Variants in COL19A1 observed in about 807,000 individuals in gnomAD.
COL19A1 encodes collagen type XIX alpha 1 chain.
A neutral mutation model predicts 190.2 loss-of-function variants in COL19A1; 159 were observed. That is an observed-to-expected ratio of 0.84 (90% CI 0.73 to 0.95). The LOEUF is 0.95. COL19A1 is among the 40% of genes least tolerant of loss of function. The probability of loss-of-function intolerance (pLI) is 0.00; values close to 1 mark genes in which losing one functional copy is unlikely to be tolerated. For synonymous variants in COL19A1, 509 were observed against 458.9 expected (o/e 1.11, Z -1.39); for missense variants, 1,418 against 1,431.9 (o/e 0.99, Z 0.16).
At chr6:69,907,286 C>T (rs1770621923) in intron 4 of COL19A1, among the ~76,000 whole-genome samples, 1 of 151,826 alleles carries the variant, frequency 6.6e-6, no homozygotes, top group Non-Finnish European at 1.5e-5. Flanking sequence ...CGTGCCACCA[C>T]TCCTGGCTAA....
intron 4 of COL19A1, among the ~76,000 whole-genome samples, chr6:69,927,287 A>G (rs1582429094): frequency 6.6e-6 from 1 of 152,220 alleles, no homozygotes; most frequent in East Asian, 1.9e-4. Context: ...AAATACATAC[A>G]TACATAAAGC....
intron 11 of COL19A1, among the ~76,000 whole-genome samples, chr6:70,003,139 A>G (rs1777377124): frequency 6.6e-6 from 1 of 152,154 alleles, no homozygotes; most frequent in Non-Finnish European, 1.5e-5. Context: ...TTCATTATTT[A>G]CCCAGAAGTC....
intron 11 of COL19A1, among the ~76,000 whole-genome samples, chr6:70,005,912 A>G (rs1024226652): frequency 6.6e-6 from 1 of 152,172 alleles, no homozygotes; most frequent in African/African-American, 2.4e-5. Flanking sequence ...GATGAGTCAG[A>G]GTCAGGCCTG....
chr6:70,032,910 C>T (rs1301413508), intron 12 of COL19A1, among the ~76,000 whole-genome samples: 1 of 152,120 alleles, frequency 6.6e-6, no homozygotes, highest in Non-Finnish European at 1.5e-5. Context: ...CCAAGTTCTA[C>T]TCTGGAAACA....
chr6:69,910,060 G>A (rs1204426831), intron 4 of COL19A1, among the ~76,000 whole-genome samples: 2 of 151,948 alleles, frequency 1.3e-5, no homozygotes, highest in South Asian at 4.2e-4. Flanking sequence ...TAAATTGAAG[G>A]GATATTTGAA....
At chr6:69,949,022 T>C (rs2150032919) in intron 9 of COL19A1, among the ~76,000 whole-genome samples, 1 of 151,946 alleles carries the variant, frequency 6.6e-6, no homozygotes, top group African/African-American at 2.4e-5. Context: ...GCTGTTTTTA[T>C]GGTGTTCTAA....
At chr6:69,962,405 T>C (rs1283166052) in intron 10 of COL19A1, among the ~76,000 whole-genome samples, 1 of 152,182 alleles carries the variant, frequency 6.6e-6, no homozygotes, top group Non-Finnish European at 1.5e-5. Context: ...TGGTATGCCA[T>C]AGAAGTCAGC....
intron 34 of COL19A1, among the ~76,000 whole-genome samples, chr6:70,159,195 T>C (rs3806043): frequency 0.052 from 7,942 of 151,754 alleles, 378 homozygotes; most frequent in African/African-American, 0.13. Flanking sequence ...TGCATGTACA[T>C]ATAGAAAGAA....
At chr6:70,094,352 C>A (rs529710566) in intron 15 of COL19A1, among the ~76,000 whole-genome samples, 115 of 152,336 alleles carry the variant, frequency 7.5e-4, no homozygotes, top group African/African-American at 2.7e-3. Flanking sequence ...TCTTTCCTAA[C>A]ATTTCCTTAA....
chr6:69,879,898 C>T (rs1768403824), intron 2 of COL19A1: 2 of 529,096 alleles, frequency 3.8e-6, no homozygotes, highest in Admixed American at 3.5e-5. Flanking sequence ...TCAATATTTA[C>T]AAGTATACAT....
At chr6:70,150,847 C>A (rs3806041) in intron 30 of COL19A1, among the ~76,000 whole-genome samples, 79,034 of 151,928 alleles carry the variant, frequency 0.52, 21,960 homozygotes, top group African/African-American at 0.73. Context: ...GGGTTTACAC[C>A]GTGTCTCTCT....
At chr6:70,146,738 A>C (rs1298509239) in intron 26 of COL19A1, 35 bp downstream of exon 26, 2 of 1,596,420 alleles carry the variant, frequency 1.3e-6, no homozygotes, top group African/African-American at 2.7e-5. Flanking sequence ...TTAAGGAATG[A>C]ATAATTAACA....
At chr6:69,998,783 T>C (rs1450387057) in intron 11 of COL19A1, among the ~76,000 whole-genome samples, 1 of 152,138 alleles carries the variant, frequency 6.6e-6, no homozygotes, top group Non-Finnish European at 1.5e-5. Context: ...ATTGAAAGAA[T>C]TGTACAGTGA....
intron 2 of COL19A1, among the ~76,000 whole-genome samples, chr6:69,896,318 A>G (rs1769739917): frequency 6.6e-6 from 1 of 151,422 alleles, no homozygotes; most frequent in Non-Finnish European, 1.5e-5. Context: ...CGGGTGGATC[A>G]TGAGGTCAGG....
chr6:69,901,861 T>A (rs569538693), intron 4 of COL19A1, among the ~76,000 whole-genome samples: 6 of 152,256 alleles, frequency 3.9e-5, no homozygotes, highest in Non-Finnish European at 7.3e-5. Flanking sequence ...TTAAAATTCA[T>A]TGGATTACAT....
intron 2 of COL19A1, 104 bp downstream of exon 2, chr6:69,879,762 A>G (rs751630292): frequency 1.5e-5 from 14 of 935,660 alleles, no homozygotes; most frequent in Non-Finnish European, 2.1e-5. Context: ...TTAATGTACT[A>G]TAACAGAATA....
At chr6:70,075,438 G>A (rs1006139537) in intron 15 of COL19A1, among the ~76,000 whole-genome samples, 1 of 152,212 alleles carries the variant, frequency 6.6e-6, no homozygotes, top group Non-Finnish European at 1.5e-5. Context: ...AAGGGGGAAA[G>A]GCTAATATAT....
At chr6:70,166,182 C>T (rs756034294) in intron 37 of COL19A1, among the ~76,000 whole-genome samples, 197 bp downstream of exon 37, 4 of 152,214 alleles carry the variant, frequency 2.6e-5, no homozygotes, top group Non-Finnish European at 5.9e-5. Flanking sequence ...GTGCAATGCT[C>T]AGATTGGCAT....
chr6:69,953,614 G>C (rs1000806315), intron 9 of COL19A1, among the ~76,000 whole-genome samples: 3 of 151,960 alleles, frequency 2.0e-5, no homozygotes, highest in African/African-American at 7.2e-5. Context: ...ATTTCTTAAT[G>C]GTTTCTTATT....
Sources: gnomAD v4.1 joint callset for allele counts (sites outside exome capture counted in the v4.1 genomes callset) on GRCh38, gnomAD v4.1.1 for gene constraint, MANE v1.5 for transcripts, NCBI Gene and HGNC (gene_info 2026-07-23, HGNC 2026-07-21) for gene names.